The following AK7 variants were observed in gnomAD, a reference collection of about 807,000 sequenced individuals.
AK7 encodes the protein ATP-AMP transphosphorylase 7.
In AK7, 78 loss-of-function variants were observed where a neutral mutation model predicts 96.6. The ratio of observed to expected loss-of-function variants is 0.81; its 90% CI spans 0.67 to 0.97. The LOEUF (loss-of-function observed/expected upper bound fraction) is 0.97. AK7 is among the 50% of genes least tolerant of loss of function. The probability of loss-of-function intolerance (pLI) is 0.00; values close to 1 mark genes in which losing one functional copy is unlikely to be tolerated. For missense variants in AK7, 855 were observed against 887.9 expected (o/e 0.96, Z 0.47); for synonymous variants, 302 against 317.2 (o/e 0.95, Z 0.51).
At chr14:96,450,708 G>T (rs1893546647) in intron 9 of AK7, among the ~76,000 whole-genome samples, 1 of 150,626 alleles carries the variant, frequency 6.6e-6, no homozygotes, top group South Asian at 2.1e-4. Flanking sequence ...GATATTATTG[G>T]TTTCCTTGAG....
Position 96,398,195 on chromosome 14 carries a change from T to A in AK7, c.226T>A (p.Phe76Ile). 6.2e-7 allele frequency: 1 copy of A among 1,614,088 alleles called. No homozygotes were observed. ...ASSTKVKEGT[F>I]QIVGTLSKPD... is the part of the protein sequence containing the mutation. ...CTCAACCAAAGTGAAGGAAGGCACA[T>A]TCCAGATTGTGGGCACGCTGTCCAA... Residue 76 changes from phenylalanine to isoleucine, a missense_variant, in exon 2 of 18, where the codon TTC (phenylalanine) becomes ATC (isoleucine). Physicochemically the swap from Phe to Ile is conservative, Grantham distance 21. Coordinates refer to ENST00000267584, the MANE Select transcript of AK7 (RefSeq NM_152327.5).
intron 6 of AK7, among the ~76,000 whole-genome samples, chr14:96,439,463 G>C (rs552334112): frequency 4.0e-5 from 6 of 151,806 alleles, no homozygotes; most frequent in African/African-American, 1.5e-4. Flanking sequence ...AGGAGATCAA[G>C]ACTATCCTGG....
Position 96,399,742 on chromosome 14 carries a change from C to T in AK7, c.294+1479C>T, listed in dbSNP as rs1161051154. Among the ~76,000 whole-genome samples the T allele has an allele frequency of 6.6e-6, 1 of 152,196 alleles. No homozygotes were observed. Among genetic ancestry groups the T allele is most frequent in the Non-Finnish European group, 1.5e-5 (1 of 68,024 alleles). ...TCCCTTCTTGTGCCTCGGCTCTGCA[C>T]TGACTAAGCGCCCAAGTCCTCCTTC... On this transcript the variant is annotated intron_variant, in intron 2 of 17. Coordinates refer to ENST00000267584, the MANE Select transcript of AK7 (RefSeq NM_152327.5). The surrounding 1 kb of genome is among the most constrained non-coding windows in gnomAD (Gnocchi z 4.1).
At chr14:96,402,418 C>T (rs1298834847) in intron 2 of AK7, among the ~76,000 whole-genome samples, 2 of 152,282 alleles carry the variant, frequency 1.3e-5, no homozygotes, top group South Asian at 2.1e-4. Flanking sequence ...GACACGTGTG[C>T]GTGTTTTTCT....
chr14:96,393,111 C>G (rs943825684), intron 1 of AK7, among the ~76,000 whole-genome samples: 1 of 152,104 alleles, frequency 6.6e-6, no homozygotes, highest in Non-Finnish European at 1.5e-5. Context: ...GTGTCTTTAT[C>G]CCTGGAAAAT....
intron 4 of AK7, among the ~76,000 whole-genome samples, chr14:96,417,250 A>T (rs953379040): frequency 2.6e-5 from 4 of 152,228 alleles, no homozygotes; most frequent in African/African-American, 9.6e-5. Flanking sequence ...TTAGATCTGA[A>T]TTTCAGATAG....
intron 13 of AK7, among the ~76,000 whole-genome samples, chr14:96,471,818 A>T (rs1426262471): frequency 6.8e-6 from 1 of 146,584 alleles, no homozygotes; most frequent in African/African-American, 2.5e-5. Context: ...CAAATTTTTT[A>T]AAATTTTATT....
intron 16 of AK7, 131 bp from the exon 17 acceptor site, chr14:96,486,767 T>C (rs1895790732): frequency 1.3e-6 from 1 of 741,604 alleles, no homozygotes; most frequent in Non-Finnish European, 2.1e-6. Flanking sequence ...TCTCTGCTGA[T>C]TGGAAATGCC....
rs1208632129 is a variant in AK7, at chr14:96,395,352, G to T, written c.106-2723G>T. Among the ~76,000 whole-genome samples, 3 of 152,168 alleles carry T rather than the reference G, an allele frequency of 2.0e-5. No homozygotes were observed. In the East Asian group the frequency reaches 5.8e-4, roughly 29 times the overall value. On this transcript the variant is annotated intron_variant, in intron 1 of 17. Transcript: ENST00000267584. ...TTTACTATTCATTAAACAGAAGTGG[G>T]TTGTCCTAAAGGTCTTCATCCTCTT...
chr14:96,458,107 G>A lies in AK7; in HGVS notation c.1252G>A (p.Val418Ile). Residue 418 changes from valine to isoleucine, a missense_variant, in exon 12 of 18, where the codon GTA becomes ATA. Val to Ile is a conservative substitution (Grantham distance 29). Transcript: ENST00000267584. ...KLEAIVAPND[V>I]GEGEEEVEEE... is the part of the protein sequence containing the mutation. ...GGAGGCGATTGTTGCCCCTAACGAT[G>A]TAGGGGAAGGAGAAGAAGAAGTCGA... is the stretch of plus-strand genomic sequence containing the variant. 1 of 1,613,734 alleles carries A rather than the reference G, an allele frequency of 6.2e-7. No individual in the cohort carries two copies. Among genetic ancestry groups the A allele is most frequent in the Admixed American group, 1.7e-5 (1 of 60,006 alleles).
chr14:96,451,844 A>C (rs1344118416), intron 10 of AK7, among the ~76,000 whole-genome samples: 1 of 152,210 alleles, frequency 6.6e-6, no homozygotes, highest in African/African-American at 2.4e-5. Context: ...AATGTATGCA[A>C]AATTATCTAA....
intron 5 of AK7, among the ~76,000 whole-genome samples, chr14:96,431,835 T>A (rs1892370509): frequency 6.6e-6 from 1 of 152,216 alleles, no homozygotes; most frequent in Admixed American, 6.5e-5. Flanking sequence ...GTCTCATTGA[T>A]GTGTCTAATA....
At chr14:96,475,184 A>G (rs1021401529) in intron 14 of AK7, among the ~76,000 whole-genome samples, 1 of 152,200 alleles carries the variant, frequency 6.6e-6, no homozygotes, top group Non-Finnish European at 1.5e-5. Context: ...CTTTTCAGAA[A>G]TTGTCTTTAT....
intron 5 of AK7, among the ~76,000 whole-genome samples, chr14:96,433,724 A>G (rs1892485031): frequency 6.6e-6 from 1 of 152,118 alleles, no homozygotes; most frequent in Admixed American, 6.6e-5. Context: ...GCTGGCAAGG[A>G]GCTGCGATCC....
intron 1 of AK7, 34 bp downstream of exon 1, chr14:96,392,293 A>G (rs895007910): frequency 7.1e-6 from 11 of 1,559,634 alleles, no homozygotes; most frequent in African/African-American, 2.7e-5. Context: ...GCCTCACGCC[A>G]GCTCTCAGCT....
intron 14 of AK7, among the ~76,000 whole-genome samples, chr14:96,476,954 T>C (rs1895219994): frequency 6.6e-6 from 1 of 152,246 alleles, no homozygotes; most frequent in African/African-American, 2.4e-5. Context: ...TTCATATAGA[T>C]GTCCGACATC....
chr14:96,468,593 G>A (rs914282490), intron 12 of AK7, among the ~76,000 whole-genome samples: 1 of 151,880 alleles, frequency 6.6e-6, no homozygotes, highest in Non-Finnish European at 1.5e-5. Flanking sequence ...CACCACGCCC[G>A]GCCTGCACTC....
rs776957898 is a variant in AK7 at position 96,487,035 on chromosome 14, C to T, written c.2112C>T (p.Pro704=). 10 of 1,613,778 alleles carry T rather than the reference C, an allele frequency of 6.2e-6. No individual in the cohort carries two copies. Among genetic ancestry groups the T allele is most frequent in the Admixed American group, 1.7e-5 (1 of 59,954 alleles). Residue 704 remains proline, a synonymous_variant, in exon 17 of 18, where the codon CCC becomes CCT. Coordinates refer to ENST00000267584, the MANE Select transcript of AK7 (RefSeq NM_152327.5). ...TGAATGAATGTTGCAACGTCCGACC[C>T]GAAGACCCTGTTGATTTTCTGGTAA... ...QGLNECCNVR[P]EDPVDFLAEY... is the part of the protein sequence containing the mutation.
At chr14:96,413,483 G>T (rs559753446) in intron 4 of AK7, among the ~76,000 whole-genome samples, 1 of 152,190 alleles carries the variant, frequency 6.6e-6, no homozygotes, top group African/African-American at 2.4e-5. Flanking sequence ...GGTAGGCTGA[G>T]TCTCTGAACC....
Sources: allele counts gnomAD v4.1 joint callset (sites outside exome capture counted in the v4.1 genomes callset), GRCh38; gene constraint gnomAD v4.1.1; non-coding constraint Gnocchi (gnomAD v3.1); transcripts MANE v1.5; gene names NCBI Gene and HGNC (gene_info 2026-07-23, HGNC 2026-07-21).